Variants in APOBEC3C observed in about 807,000 individuals in gnomAD.
APOBEC3C encodes the protein DNA dC->dU-editing enzyme APOBEC-3C.
Under a neutral mutation model 20.6 loss-of-function variants are expected in APOBEC3C, and 14 were observed. The ratio of observed to expected loss-of-function variants is 0.68; its 90% confidence interval spans 0.45 to 1.06. APOBEC3C has a LOEUF of 1.06. Ranked by LOEUF, APOBEC3C falls within the 50% of genes least tolerant of loss-of-function variation. APOBEC3C has a pLI of 0.00. For missense variants in APOBEC3C, 244 were observed against 241.9 expected, an observed-to-expected ratio of 1.01 and a Z score of -0.06; for synonymous variants, 98 against 88.8, an observed-to-expected ratio of 1.10 and a Z score of -0.58.
At chr22:39,016,922 G>A (rs1924803990) in intron 2 of APOBEC3C, among the ~76,000 whole-genome samples, 1 of 152,188 alleles carries the variant, frequency 6.6e-6, no homozygotes, top group African/African-American at 2.4e-5. Context: ...GACAGGGAAA[G>A]AATCAATAAA....
In APOBEC3C at chr22:39,018,309, T is replaced by C. The variant is rs984768424; in HGVS notation, c.495T>C (p.Asn165=). The stretch of plus-strand genomic sequence containing the variant: ...GGGAAAACTTTGTGTACAATGATAA[T>C]GAGCCATTCAAGCCTTGGAAGGGAT... The part of the protein sequence containing the change: ...YCWENFVYND[N]EPFKPWKGLK... The change falls in exon 4 of 4, where the codon AAT becomes AAC. Residue 165 remains asparagine (N), a synonymous_variant. Coordinates refer to ENST00000361441, the MANE Select transcript of APOBEC3C (RefSeq NM_014508.3). 5.0e-6 allele frequency: 8 copies of C among 1,614,012 alleles called. No individual in the cohort carries two copies. Among genetic ancestry groups the C allele is most frequent in the Non-Finnish European group, 6.8e-6 (8 of 1,180,004 alleles).
At chr22:39,017,498 A>T (rs1397104903) in intron 2 of APOBEC3C, among the ~76,000 whole-genome samples, 1 of 151,746 alleles carries the variant, frequency 6.6e-6, no homozygotes, top group Non-Finnish European at 1.5e-5. Context: ...AAAATTAGGC[A>T]GGTGTGGCGG....
In APOBEC3C at chr22:39,018,713, C is replaced by A; in HGVS notation, c.*326C>A. 1 of 183,982 alleles carries A rather than the reference C, an allele frequency of 5.4e-6. No individual in the cohort carries two copies. The highest frequency in any genetic ancestry group is 1.1e-5 in the Non-Finnish European group (1 of 88,898). 11.4% of individuals were successfully genotyped at this position (183,982 alleles called of 1,614,324 possible). A position where few individuals can be genotyped will look rare whatever the true frequency, so the allele number is the denominator to read the frequency against. On this transcript the variant is annotated 3_prime_UTR_variant, in exon 4 of 4. Transcript: ENST00000361441. ...ACTCATCCTAGGCTGGGCATGGTGA[C>A]TCACGCCTGTAATCCCCCAGCAATT...
chr22:39,016,100 A>T lies in APOBEC3C; in HGVS notation c.174+349A>T, dbSNP rs2075847279. ...GCCATGTTGGCCAGGCTGGTTTCGA[A>T]CTCCTGACCTCAAGTGATCCACCAG... On this transcript the variant is annotated intron_variant, in intron 2 of 3. Coordinates refer to ENST00000361441, the MANE Select transcript of APOBEC3C (RefSeq NM_014508.3). Among the ~76,000 whole-genome samples, 3 of 150,614 alleles carry T rather than the reference A, an allele frequency of 2.0e-5. No individual in the cohort carries two copies. The South Asian group carries it at 6.3e-4, about 32-fold the overall frequency.
Position 39,017,850 on chromosome 22 carries a change from C to G in APOBEC3C, c.259C>G (p.Gln87Glu), listed in dbSNP as rs781129602. The change falls in exon 3 of 4, where the codon CAG becomes GAG. Residue 87 changes from glutamine to glutamate, a missense_variant. Coordinates refer to ENST00000361441, the MANE Select transcript of APOBEC3C (RefSeq NM_014508.3). Reference sequence around the variant, plus strand: ...CATACTGTCTCCTAACACAAAGTACCAGGTCACCTGGTACACATCTTGGAG... The same window carrying G: ...CATACTGTCTCCTAACACAAAGTACGAGGTCACCTGGTACACATCTTGGAG... ...DDILSPNTKY[Q>E]VTWYTSWSPC... is the part of the protein sequence containing the mutation. The G allele has an allele frequency of 4.1e-5, 66 of 1,613,992 alleles. 1 individual carries two copies. In the South Asian group the frequency reaches 5.9e-4, roughly 14 times the overall value.
At chr22:39,016,009 G>A (rs565138371) in intron 2 of APOBEC3C, among the ~76,000 whole-genome samples, 18 of 151,618 alleles carry the variant, frequency 1.2e-4, no homozygotes, top group Non-Finnish European at 2.4e-4. Flanking sequence ...CCGAGTAGCT[G>A]GGATTACAGG....
At position 39,018,297 on chromosome 22, in the gene APOBEC3C, G is replaced by A; in HGVS notation, c.483G>A (p.Val161=). ...EDFKYCWENF[V]YNDNEPFKPW... is the part of the protein sequence containing the mutation. ...TTAAATATTGTTGGGAAAACTTTGT[G>A]TACAATGATAATGAGCCATTCAAGC... is the stretch of plus-strand genomic sequence containing the variant. Residue 161 remains valine, a synonymous_variant, in exon 4 of 4, where the codon GTG becomes GTA. Coordinates refer to ENST00000361441, the MANE Select transcript of APOBEC3C (RefSeq NM_014508.3). The A allele has an allele frequency of 6.2e-7, 1 of 1,613,858 alleles. No homozygotes were observed. Among genetic ancestry groups the A allele is most frequent in the East Asian group, 2.2e-5 (1 of 44,880 alleles).
intron 3 of APOBEC3C, 32 bp downstream of exon 3, chr22:39,018,077 C>T (rs1924865013): frequency 6.2e-7 from 1 of 1,608,058 alleles, no homozygotes. Flanking sequence ...AGAGTGGGTG[C>T]AGGAGGGACA....
Position 39,018,130 on chromosome 22 carries a change from G to A in APOBEC3C, c.454+85G>A. The A allele has an allele frequency of 3.8e-6, 6 of 1,580,912 alleles. No individual in the cohort carries two copies. The South Asian group carries it at 7.1e-5, about 19-fold the overall frequency. On this transcript the variant is annotated intron_variant, in intron 3 of 3. Coordinates refer to ENST00000361441, the MANE Select transcript of APOBEC3C (RefSeq NM_014508.3). ...TTCTCCAATGCTGTGGGGCGGGTCAGTGTCCCCTGGGTGTCTGTGGGGACC... is the reference window on the plus strand; with the variant it reads ...TTCTCCAATGCTGTGGGGCGGGTCAATGTCCCCTGGGTGTCTGTGGGGACC...
chr22:39,017,020 T>A (rs564607967), intron 2 of APOBEC3C, among the ~76,000 whole-genome samples: 1 of 151,880 alleles, frequency 6.6e-6, no homozygotes, highest in African/African-American at 2.4e-5. Flanking sequence ...GATCATGAGG[T>A]TGGGAGTTCG....
rs1377150396 is a variant in APOBEC3C at position 39,014,456 on chromosome 22, C to T, written c.17+77C>T. 11 of 1,588,256 alleles carry T rather than the reference C, an allele frequency of 6.9e-6. No homozygotes were observed. In the Admixed American group the frequency reaches 1.2e-4, roughly 17 times the overall value. ...CGGTCCTGCTGGGCCTCAGCCCTGG[C>T]CTCCCCCTGCCCCAGCCCCACCTCT... On this transcript the variant is annotated intron_variant, in intron 1 of 3. Coordinates refer to ENST00000361441, the MANE Select transcript of APOBEC3C (RefSeq NM_014508.3).
rs112882278 is a variant in APOBEC3C at position 39,018,401 on chromosome 22, G to A, written c.*14G>A. ...AGTCTCCAGTGAGGGGTCTCCCTGG[G>A]CCTCATGGTCTGTCTCCTCTAGCCT... On this transcript the variant is annotated 3_prime_UTR_variant, in exon 4 of 4. Transcript: ENST00000361441. 6.2e-7 allele frequency: 1 copy of A among 1,611,198 alleles called. No individual in the cohort carries two copies. The highest frequency in any genetic ancestry group is 1.3e-5 in the African/African-American group (1 of 74,750).
In APOBEC3C at chr22:39,018,017, G is replaced by C; in HGVS notation, c.426G>C (p.Gly142=). The change falls in exon 3 of 4, where the codon GGG becomes GGC. Residue 142 remains glycine (G), a synonymous_variant. Transcript: ENST00000361441. ...QEGLRSLSQE[G]VAVEIMDYED... is the part of the protein sequence containing the mutation. The stretch of plus-strand genomic sequence containing the variant: ...GGCTCCGCAGCCTGAGTCAGGAAGG[G>C]GTCGCTGTGGAGATCATGGACTATG... 1.9e-6 allele frequency: 3 copies of C among 1,614,186 alleles called. No individual in the cohort carries two copies. The highest frequency in any genetic ancestry group is 1.1e-5 in the South Asian group (1 of 91,084).
At position 39,018,018 on chromosome 22, in the gene APOBEC3C, G is replaced by A. The variant is rs1924860320; in HGVS notation, c.427G>A (p.Val143Ile). The change falls in exon 3 of 4, where the codon GTC (valine) becomes ATC (isoleucine). Residue 143 changes from valine to isoleucine, a missense_variant. Transcript: ENST00000361441. ...EGLRSLSQEG[V>I]AVEIMDYEDF... ...GCTCCGCAGCCTGAGTCAGGAAGGG[G>A]TCGCTGTGGAGATCATGGACTATGA... The A allele has an allele frequency of 6.2e-7, 1 of 1,614,062 alleles. No homozygotes were observed. The highest frequency in any genetic ancestry group is 1.3e-5 in the African/African-American group (1 of 74,914).
At chr22:39,018,140 G>C in intron 3 of APOBEC3C, 95 bp downstream of exon 3, 1 of 1,576,116 alleles carries the variant, frequency 6.3e-7, no homozygotes, top group Non-Finnish European at 8.6e-7. Flanking sequence ...GTGTCCCCTG[G>C]GTGTCTGTGG....
chr22:39,017,663 C>T (rs1969643), intron 2 of APOBEC3C, 103 bp from the exon 3 acceptor site: 494,667 of 1,400,238 alleles, frequency 0.35, 92,461 homozygotes, highest in African/African-American at 0.57. Flanking sequence ...AATAAGGAAA[C>T]GGCCCGGGGC....
chr22:39,015,474 G>A (rs1350766656), intron 1 of APOBEC3C, 121 bp from the exon 2 acceptor site: 2 of 1,157,042 alleles, frequency 1.7e-6, no homozygotes, highest in Non-Finnish European at 2.5e-6. Flanking sequence ...TCTCAGGGCT[G>A]TGGAGGGATG....
intron 2 of APOBEC3C, 100 bp downstream of exon 2, chr22:39,015,851 G>A (rs1924761679): frequency 2.6e-6 from 3 of 1,137,456 alleles, no homozygotes; most frequent in Non-Finnish European, 3.7e-6. Flanking sequence ...GCTCTCCTGT[G>A]TGCACTTTCC....
chr22:39,014,417 C>A (rs1199815090), intron 1 of APOBEC3C, 38 bp downstream of exon 1: 1 of 1,613,566 alleles, frequency 6.2e-7, no homozygotes, highest in East Asian at 2.2e-5. Flanking sequence ...CCCCTCCTGC[C>A]ACTTCCTGCC....
Sources: gnomAD v4.1 joint callset for allele counts (sites outside exome capture counted in the v4.1 genomes callset) on GRCh38, gnomAD v4.1.1 for gene constraint, MANE v1.5 for transcripts, NCBI Gene and HGNC (gene_info 2026-07-23, HGNC 2026-07-21) for gene names.